GALNT18: variants seen among roughly 807,000 people sequenced by gnomAD.
GALNT18 encodes the protein GalNAc-transferase 18.
GALNT18 carries 44 observed loss-of-function variants against 69.5 expected under a neutral mutation model. That is an observed-to-expected ratio of 0.63 (90% CI 0.50 to 0.81). GALNT18 has a LOEUF of 0.81. Ranked by LOEUF, GALNT18 falls within the 40% of genes least tolerant of loss-of-function variation. The pLI is 0.00. For missense variants in GALNT18, 715 were observed against 810.0 expected (o/e 0.88, Z 1.42); for synonymous variants, 364 against 318.2 (o/e 1.14, Z -1.53).
intron 2 of GALNT18, among the ~76,000 whole-genome samples, chr11:11,440,548 C>A (rs562763055): frequency 6.6e-6 from 1 of 152,226 alleles, no homozygotes; most frequent in Non-Finnish European, 1.5e-5. Flanking sequence ...CAAAGCCTGG[C>A]TCAGGGCTCG....
At chr11:11,327,294 G>C in intron 8 of GALNT18, 113 bp from the exon 9 acceptor site, 1 of 795,842 alleles carries the variant, frequency 1.3e-6, no homozygotes, top group Non-Finnish European at 2.1e-6. Context: ...TCCATAATCA[G>C]CCCAAGGCCC....
Position 11,288,550 on chromosome 11 carries a change from T to G in GALNT18, c.1677+4479A>C, listed in dbSNP as rs145504386. On this transcript the variant is annotated intron_variant, in intron 10 of 10. Coordinates refer to ENST00000227756, the MANE Select transcript of GALNT18 (RefSeq NM_198516.3). ...ATGAGCTCCTTGAGGGCAGAAGCTGTGTCTGATTTATATCTGCATTCCTCC... is the reference window on the plus strand; with the variant it reads ...ATGAGCTCCTTGAGGGCAGAAGCTGGGTCTGATTTATATCTGCATTCCTCC... Among the ~76,000 whole-genome samples the G allele has an allele frequency of 2.8e-4, 43 of 152,308 alleles. 1 individual carries two copies. The East Asian group carries it at 7.9e-3, about 28-fold the overall frequency.
chr11:11,337,852 A>T lies in GALNT18; in HGVS notation c.1278+2967T>A, dbSNP rs962383295. ...GTGGTAGGCAGTGGGATTAAAATAC[A>T]GGCAGTGGGGTTAAAATACAGGCAG... is the stretch of plus-strand genomic sequence containing the variant. On this transcript the variant is annotated intron_variant, in intron 7 of 10. Transcript: ENST00000227756. The surrounding 1 kb of genome is among the most constrained non-coding windows in gnomAD (Gnocchi z 4.9). Among the ~76,000 whole-genome samples the T allele has an allele frequency of 1.3e-5, 2 of 152,152 alleles. No homozygotes were observed. Among genetic ancestry groups the T allele is most frequent in the African/African-American group, 4.8e-5 (2 of 41,424 alleles).
chr11:11,277,894 A>G (rs1848983613), intron 10 of GALNT18, among the ~76,000 whole-genome samples: 1 of 152,238 alleles, frequency 6.6e-6, no homozygotes, highest in Middle Eastern at 3.4e-3. Flanking sequence ...GTTCTTTTGC[A>G]ATTGCTGAGG....
chr11:11,547,522 CA>C (rs1408920259), intron 1 of GALNT18, among the ~76,000 whole-genome samples: 1 of 152,212 alleles, frequency 6.6e-6, no homozygotes, highest in Non-Finnish European at 1.5e-5. Context: ...TCCCTCCCCA[CA>C]AACAAAGGAA....
rs1223311358 is a variant in GALNT18 at position 11,309,744 on chromosome 11, G to A, written c.1513-16551C>T. Among the ~76,000 whole-genome samples the A allele has an allele frequency of 1.3e-5, 2 of 152,058 alleles. No homozygotes were observed. Among genetic ancestry groups the A allele is most frequent in the Non-Finnish European group, 2.9e-5 (2 of 68,012 alleles). On this transcript the variant is annotated intron_variant, in intron 9 of 10. Coordinates refer to ENST00000227756, the MANE Select transcript of GALNT18 (RefSeq NM_198516.3). The surrounding 1 kb of genome is among the most constrained non-coding windows in gnomAD (Gnocchi z 4.6). ...TCAGCAGCTGAGCCACTTTCACTCT[G>A]CAGGGTTTCTAAACCTTCTCCATTC... is the stretch of plus-strand genomic sequence containing the variant.
At chr11:11,280,150 C>G (rs550675984) in intron 10 of GALNT18, among the ~76,000 whole-genome samples, 2 of 152,120 alleles carry the variant, frequency 1.3e-5, no homozygotes, top group Admixed American at 1.3e-4. Context: ...GCACCCCCCG[C>G]CCGGGGAGTG....
At chr11:11,281,976 C>A (rs904997052) in intron 10 of GALNT18, among the ~76,000 whole-genome samples, 7 of 152,004 alleles carry the variant, frequency 4.6e-5, no homozygotes, top group African/African-American at 1.5e-4. Context: ...TGAGCAGAGC[C>A]CTGACCTGCT....
chr11:11,414,995 G>A (rs1295039530), intron 3 of GALNT18, among the ~76,000 whole-genome samples: 4 of 152,190 alleles, frequency 2.6e-5, no homozygotes, highest in Non-Finnish European at 4.4e-5. Flanking sequence ...GGCACAATTC[G>A]TTTCCTCGCA....
intron 1 of GALNT18, among the ~76,000 whole-genome samples, chr11:11,512,819 A>T (rs1251651256): frequency 1.3e-5 from 2 of 152,220 alleles, no homozygotes; most frequent in Admixed American, 1.3e-4. Context: ...ACACCAGGAC[A>T]CACGGGTGCT....
intron 9 of GALNT18, among the ~76,000 whole-genome samples, chr11:11,325,047 C>A (rs556143395): frequency 6.6e-6 from 1 of 152,168 alleles, no homozygotes; most frequent in Non-Finnish European, 1.5e-5. Flanking sequence ...GAAAAAGATG[C>A]ATGCACATGC....
chr11:11,364,554 G>C (rs1386429), intron 6 of GALNT18, among the ~76,000 whole-genome samples: 5 of 141,504 alleles, frequency 3.5e-5, no homozygotes, highest in African/African-American at 4.9e-5. Flanking sequence ...ATTACAAGAG[G>C]GGGGGAAAAA....
chr11:11,471,458 G>A (rs951160341), intron 1 of GALNT18, among the ~76,000 whole-genome samples: 6 of 152,296 alleles, frequency 3.9e-5, no homozygotes, highest in Admixed American at 2.0e-4. Context: ...TAGGTAGGTG[G>A]GGACTGGCTG....
At chr11:11,544,941 T>C (rs1858013291) in intron 1 of GALNT18, among the ~76,000 whole-genome samples, 1 of 152,370 alleles carries the variant, frequency 6.6e-6, no homozygotes, top group Non-Finnish European at 1.5e-5. Context: ...GGATCCCTGC[T>C]CTACCTGGTT....
intron 9 of GALNT18, among the ~76,000 whole-genome samples, chr11:11,307,973 T>C (rs1346520292): frequency 1.1e-4 from 16 of 152,174 alleles, no homozygotes; most frequent in Non-Finnish European, 2.4e-4. Context: ...GGGCCAGGGG[T>C]GACCGCAGTG....
intron 6 of GALNT18, among the ~76,000 whole-genome samples, chr11:11,370,474 C>T (rs531688293): frequency 2.1e-3 from 324 of 152,254 alleles, no homozygotes; most frequent in Admixed American, 3.4e-3. Context: ...TCATCCCTCC[C>T]ATTTGTACTT....
intron 1 of GALNT18, among the ~76,000 whole-genome samples, chr11:11,558,661 G>A (rs1858391531): frequency 6.6e-6 from 1 of 152,240 alleles, no homozygotes; most frequent in Non-Finnish European, 1.5e-5. Flanking sequence ...CAGCCAGAGG[G>A]CTGGGATAAA....
intron 10 of GALNT18, 108 bp from the exon 11 acceptor site, chr11:11,271,398 A>C (rs35408328): frequency 0.2 from 233,304 of 1,138,158 alleles, 25,290 homozygotes; most frequent in Admixed American, 0.26. Flanking sequence ...CTGTGTGGCC[A>C]GATCCCAGGA....
At chr11:11,569,797 G>A (rs1858742764) in intron 1 of GALNT18, among the ~76,000 whole-genome samples, 1 of 152,148 alleles carries the variant, frequency 6.6e-6, no homozygotes, top group South Asian at 2.1e-4. Flanking sequence ...AAGCAGTGAA[G>A]AGATGAGACA....
Sources: allele counts gnomAD v4.1 joint callset (sites outside exome capture counted in the v4.1 genomes callset), GRCh38; gene constraint gnomAD v4.1.1; non-coding constraint Gnocchi (gnomAD v3.1); transcripts MANE v1.5; gene names NCBI Gene and HGNC (gene_info 2026-07-23, HGNC 2026-07-21).